The following MAP1B variants were observed in gnomAD, a reference collection of about 807,000 sequenced individuals.
MAP1B encodes the protein microtubule associated protein 1B, also known as microtubule-associated protein 1B.
MAP1B carries 12 observed loss-of-function variants against 176.1 expected under a neutral mutation model. That is an observed-to-expected ratio of 0.07 (90% CI 0.04 to 0.11). The LOEUF (loss-of-function observed/expected upper bound fraction) is 0.11. Among genes scored for constraint, MAP1B ranks in the 10% least tolerant of loss-of-function variants. The pLI, the probability that MAP1B is intolerant of heterozygous loss-of-function variation, is 1.00. For missense variants in MAP1B, 2,523 were observed against 2,990.5 expected (o/e 0.84, Z 3.65); for synonymous variants, 1,044 against 1,135.0 (o/e 0.92, Z 1.61).
chr5:72,157,520 G>A lies in MAP1B; in HGVS notation c.287-26223G>A, dbSNP rs146027981. Among the ~76,000 whole-genome samples, 214 of 152,340 alleles carry A rather than the reference G, an allele frequency of 1.4e-3. 2 individuals carry two copies. The East Asian group carries it at 0.037, about 26-fold the overall frequency. ...GGGACAAGATGGAGATGGGATTCCC[G>A]GGGACAGGGAGCCATGGGCTTCCCC... On this transcript the variant is annotated intron_variant, in intron 2 of 6. Coordinates refer to ENST00000296755, the MANE Select transcript of MAP1B (RefSeq NM_005909.5).
At chr5:72,124,791 T>G (rs1745593503) in intron 2 of MAP1B, among the ~76,000 whole-genome samples, 1 of 152,250 alleles carries the variant, frequency 6.6e-6, no homozygotes, top group Admixed American at 6.5e-5. Flanking sequence ...TCTTGTTGGC[T>G]TCTCACGTGG....
rs200939694 is a variant in MAP1B at position 72,186,537 on chromosome 5, G to A, written c.370-77G>A. 6.1e-4 allele frequency: 940 copies of A among 1,543,914 alleles called. 1 individual carries two copies. The highest frequency in any genetic ancestry group is 1.2e-3 in the Middle Eastern group (5 of 4,234). The stretch of plus-strand genomic sequence containing the variant: ...GCTGGTAATAAACTCCCATGGCTCC[G>A]AAGGCTAGCCCTGTCCTGAAGGTGG... On this transcript the variant is annotated intron_variant, in intron 3 of 6. Transcript: ENST00000296755. The surrounding 1 kb of genome is among the most constrained non-coding windows in gnomAD (Gnocchi z 4.3).
Position 72,196,295 on chromosome 5 carries a change from G to A in MAP1B, c.2940G>A (p.Ala980=), listed in dbSNP as rs138902848. 6.3e-5 allele frequency: 102 copies of A among 1,614,096 alleles called. No homozygotes were observed. Among genetic ancestry groups the A allele is most frequent in the Admixed American group, 2.0e-4 (12 of 60,014 alleles). ...CTGAGGATGAGGAAAGTGCCAAGGC[G>A]GAGGCTGATGCATACATCAGGGAGA... ...SPTEDEESAK[A]EADAYIREKR... is the part of the protein sequence containing the mutation. The change falls in exon 5 of 7, where the codon GCG becomes GCA. Residue 980 remains alanine, a synonymous_variant. Coordinates refer to ENST00000296755, the MANE Select transcript of MAP1B (RefSeq NM_005909.5). The surrounding 1 kb of genome is among the most constrained non-coding windows in gnomAD (Gnocchi z 5.3).
chr5:72,162,235 G>A (rs905290758), intron 2 of MAP1B, among the ~76,000 whole-genome samples: 1 of 152,152 alleles, frequency 6.6e-6, no homozygotes, highest in African/African-American at 2.4e-5. Context: ...CTGAGCTGGG[G>A]AGAAAGGAAA....
chr5:72,199,265 T>C lies in MAP1B; in HGVS notation c.5910T>C (p.Ser1970=). The change falls in exon 5 of 7, where the codon AGT becomes AGC. Residue 1970 remains serine, a synonymous_variant. Coordinates refer to ENST00000296755, the MANE Select transcript of MAP1B (RefSeq NM_005909.5). This position sits in a 1 kb window ranked among gnomAD's most constrained non-coding sequence, Gnocchi z 4.2. The part of the protein sequence containing the change: ...SEKTTSPPEV[S]GYSYEKTERS... ...AGACCACCAGCCCCCCCGAAGTGAGTGGTTACAGCTATGAAAAGACTGAGA... is the reference window on the plus strand; with the variant it reads ...AGACCACCAGCCCCCCCGAAGTGAGCGGTTACAGCTATGAAAAGACTGAGA... The C allele has an allele frequency of 6.2e-7, 1 of 1,613,584 alleles. No individual in the cohort carries two copies. Among genetic ancestry groups the C allele is most frequent in the Non-Finnish European group, 8.5e-7 (1 of 1,179,880 alleles).
chr5:72,195,533 G>T lies in MAP1B; in HGVS notation c.2178G>T (p.Lys726Asn). ...AGAAGGAAGTGAAAAAGGAAGAAAA[G>T]GAACCCAAAAAAGAAATTAAGAAGC... ...EEKKEVKKEE[K>N]EPKKEIKKLP... The change falls in exon 5 of 7, where the codon AAG (lysine) becomes AAT (asparagine). Residue 726 changes from lysine to asparagine, a missense_variant. This residue lies in a region of MAP1B where 1,925 missense variants were observed against 2,126.0 expected (regional missense o/e 0.91). Transcript: ENST00000296755. 1 of 1,588,464 alleles carries T rather than the reference G, an allele frequency of 6.3e-7. No homozygotes were observed. The highest frequency in any genetic ancestry group is 8.5e-7 in the Non-Finnish European group (1 of 1,173,870).
At chr5:72,127,605 AT>A (rs1372950524) in intron 2 of MAP1B, among the ~76,000 whole-genome samples, 3 of 152,192 alleles carry the variant, frequency 2.0e-5, no homozygotes, top group Non-Finnish European at 4.4e-5. Context: ...TTAAAGTATA[AT>A]TTTAAAAAAG....
intron 2 of MAP1B, among the ~76,000 whole-genome samples, chr5:72,172,367 A>G (rs1746561258): frequency 6.6e-6 from 1 of 152,216 alleles, no homozygotes. Flanking sequence ...TTTCTGAGGG[A>G]TGGAAATCAG....
chr5:72,168,269 T>G (rs941159573), intron 2 of MAP1B, among the ~76,000 whole-genome samples: 1 of 152,246 alleles, frequency 6.6e-6, no homozygotes, highest in Admixed American at 6.5e-5. Flanking sequence ...AGTGTTGCTT[T>G]CTGGGCAGGA....
chr5:72,156,604 G>A (rs1207736816), intron 2 of MAP1B, among the ~76,000 whole-genome samples: 1 of 152,234 alleles, frequency 6.6e-6, no homozygotes, highest in Non-Finnish European at 1.5e-5. Context: ...GATTCGGACA[G>A]TGCTTTCCAA....
At chr5:72,192,302 G>C (rs867861383) in intron 4 of MAP1B, among the ~76,000 whole-genome samples, 2 of 152,148 alleles carry the variant, frequency 1.3e-5, no homozygotes, top group African/African-American at 2.4e-5. Flanking sequence ...AAAGATGCCT[G>C]TCCCCTCTAC....
chr5:72,155,617 A>G (rs1017792297), intron 2 of MAP1B, among the ~76,000 whole-genome samples: 4 of 152,092 alleles, frequency 2.6e-5, no homozygotes, highest in African/African-American at 9.7e-5. Context: ...GAGTCAGGAG[A>G]GTGGTGATGT....
At chr5:72,124,653 A>G (rs1745590680) in intron 2 of MAP1B, among the ~76,000 whole-genome samples, 1 of 152,334 alleles carries the variant, frequency 6.6e-6, no homozygotes, top group African/African-American at 2.4e-5. Flanking sequence ...CTTTGTTGTC[A>G]TAGAGGGAAG....
chr5:72,172,369 G>A (rs1746561385), intron 2 of MAP1B, among the ~76,000 whole-genome samples: 1 of 152,206 alleles, frequency 6.6e-6, no homozygotes, highest in African/African-American at 2.4e-5. Context: ...TCTGAGGGAT[G>A]GAAATCAGTA....
chr5:72,148,658 G>A (rs1456824746), intron 2 of MAP1B, among the ~76,000 whole-genome samples: 5 of 152,202 alleles, frequency 3.3e-5, no homozygotes, highest in African/African-American at 9.6e-5. Context: ...CACTTGCCAC[G>A]CACCGAGGAG....
intron 2 of MAP1B, among the ~76,000 whole-genome samples, chr5:72,124,999 A>G (rs1474612225): frequency 1.3e-5 from 2 of 152,218 alleles, no homozygotes; most frequent in East Asian, 3.9e-4. Context: ...CCAGGCGAAC[A>G]ATGCTTCCTT....
chr5:72,147,727 A>G (rs1746071850), intron 2 of MAP1B, among the ~76,000 whole-genome samples: 1 of 152,128 alleles, frequency 6.6e-6, no homozygotes, highest in Non-Finnish European at 1.5e-5. Flanking sequence ...GCCAGCTGGG[A>G]GGGAGGTCTT....
chr5:72,151,502 GT>G (rs758571581), intron 2 of MAP1B, among the ~76,000 whole-genome samples: 2 of 152,172 alleles, frequency 1.3e-5, no homozygotes, highest in Non-Finnish European at 2.9e-5. Flanking sequence ...CCTCAACTAT[GT>G]AAAAAAATGG....
rs762649008 is a variant in MAP1B, at chr5:72,209,493, C to T, written c.*4254C>T. On this transcript the variant is annotated 3_prime_UTR_variant, in exon 7 of 7. Coordinates refer to ENST00000296755, the MANE Select transcript of MAP1B (RefSeq NM_005909.5). ...ATGATATTTGTGTGCAATATCCCCT[C>T]TTCCATTGAGGATATTTGATGTAAA... 1 of 152,034 alleles carries T rather than the reference C, an allele frequency of 6.6e-6. No individual in the cohort carries two copies. Among genetic ancestry groups the T allele is most frequent in the Non-Finnish European group, 1.5e-5 (1 of 68,016 alleles). 9.4% of individuals were successfully genotyped at this position (152,034 alleles called of 1,614,324 possible).
Sources: gnomAD v4.1 joint callset for allele counts (sites outside exome capture counted in the v4.1 genomes callset) on GRCh38, gnomAD v4.1.1 for gene constraint, gnomAD v4.1.1 regional missense constraint, Gnocchi (gnomAD v3.1) non-coding constraint, MANE v1.5 for transcripts, NCBI Gene and HGNC (gene_info 2026-07-23, HGNC 2026-07-21) for gene names.